EEFSEC: variants seen among roughly 807,000 people sequenced by gnomAD.
EEFSEC encodes the protein eukaryotic elongation factor, selenocysteine-tRNA specific.
EEFSEC carries 43 observed loss-of-function variants against 42.1 expected under a neutral mutation model. That is an observed-to-expected ratio of 1.02 (90% CI 0.80 to 1.32). EEFSEC has a LOEUF of 1.32. Among genes scored for constraint, EEFSEC ranks in the 40% most tolerant of loss-of-function variants. The pLI, the probability that EEFSEC is intolerant of heterozygous loss-of-function variation, is 0.00. For synonymous variants in EEFSEC, 354 were observed against 339.1 expected (o/e 1.04, Z -0.48); for missense variants, 745 against 803.6 (o/e 0.93, Z 0.88).
intron 4 of EEFSEC, among the ~76,000 whole-genome samples, chr3:128,323,118 G>C (rs1228038057): frequency 6.6e-6 from 1 of 152,192 alleles, no homozygotes; most frequent in Non-Finnish European, 1.5e-5. Flanking sequence ...CAGCTTTTGG[G>C]AAGAGCTGTC....
At chr3:128,421,987 A>T in the EEFSEC span, among the ~76,000 whole-genome samples, 1 of 152,134 alleles carries the variant, frequency 6.6e-6, no homozygotes, top group South Asian at 2.1e-4. Flanking sequence ...TCTCTCATAC[A>T]GGTGGTTTGT....
chr3:128,336,845 AC>A (rs1372042861), intron 4 of EEFSEC: 1 of 152,178 alleles, frequency 6.6e-6, no homozygotes, highest in Non-Finnish European at 1.5e-5. Context: ...AAGACAGCAG[AC>A]TTTATAGAAC....
chr3:128,250,748 A>C (rs1281748748), intron 2 of EEFSEC, among the ~76,000 whole-genome samples: 1 of 152,116 alleles, frequency 6.6e-6, no homozygotes, highest in African/African-American at 2.4e-5. Context: ...TGAATTTGAG[A>C]ATCTGCTTTT....
At chr3:128,367,947 A>G in intron 6 of EEFSEC, 2 of 713,616 alleles carry the variant, frequency 2.8e-6, no homozygotes, top group Non-Finnish European at 3.4e-6. Context: ...TCCTCCCACC[A>G]CCCACTGGGA....
Position 128,340,124 on chromosome 3 carries a change from G to C in EEFSEC, c.787-1109G>C, listed in dbSNP as rs1374442504. ...ACCCTTGCTGTAGCCCTCCTGCCTC[G>C]GTGTATTCCCAGACTCACCAAGCTA... On this transcript the variant is annotated intron_variant, in intron 4 of 6. Transcript: ENST00000254730. Among the ~76,000 whole-genome samples, 5 of 151,960 alleles carry C rather than the reference G, an allele frequency of 3.3e-5. No individual in the cohort carries two copies. The East Asian group carries it at 7.7e-4, about 23-fold the overall frequency.
intron 1 of EEFSEC, among the ~76,000 whole-genome samples, chr3:128,173,109 C>T (rs895723290): frequency 6.6e-5 from 10 of 152,300 alleles, no homozygotes; most frequent in South Asian, 4.1e-4. Context: ...TTTGCTTCCC[C>T]GTGAAGCTCC....
At chr3:128,313,806 T>C (rs139281370) in intron 4 of EEFSEC, among the ~76,000 whole-genome samples, 32 of 152,322 alleles carry the variant, frequency 2.1e-4, no homozygotes, top group Non-Finnish European at 4.0e-4. Context: ...TGGCAGATGG[T>C]TAAAAAGGCA....
At chr3:128,211,886 G>A (rs1424291952) in intron 1 of EEFSEC, among the ~76,000 whole-genome samples, 2 of 89,374 alleles carry the variant, frequency 2.2e-5, no homozygotes, top group Admixed American at 1.9e-4. Flanking sequence ...TTGAGACAGA[G>A]TCTTGCTGTG....
downstream of EEFSEC, among the ~76,000 whole-genome samples, chr3:128,411,984 C>T (rs2068177253): frequency 6.6e-6 from 1 of 152,168 alleles, no homozygotes; most frequent in East Asian, 1.9e-4. Context: ...GCATGTGCTC[C>T]GTGTGTGTTT....
At chr3:128,206,386 C>T (rs567519899) in intron 1 of EEFSEC, among the ~76,000 whole-genome samples, 46 of 152,280 alleles carry the variant, frequency 3.0e-4, no homozygotes, top group East Asian at 1.2e-3. Context: ...TTATCAGGCG[C>T]GTTTTGAACT....
At chr3:128,368,010 G>T (rs1238521352) in intron 6 of EEFSEC, among the ~76,000 whole-genome samples, 1 of 152,232 alleles carries the variant, frequency 6.6e-6, no homozygotes, top group Non-Finnish European at 1.5e-5. Flanking sequence ...GATGCCCTTG[G>T]GCTGGGCCAG....
At chr3:128,197,462 A>G (rs1005240899) in intron 1 of EEFSEC, among the ~76,000 whole-genome samples, 6 of 152,236 alleles carry the variant, frequency 3.9e-5, no homozygotes, top group African/African-American at 1.4e-4. Flanking sequence ...TAGTAGAGAC[A>G]GGGTTTCACC....
the EEFSEC span, among the ~76,000 whole-genome samples, chr3:128,425,121 C>A: frequency 0.073 from 11,105 of 152,264 alleles, 763 homozygotes; most frequent in East Asian, 0.37. Flanking sequence ...AGTTGTGTAA[C>A]CCCTACCTGA....
At chr3:128,158,107 A>G (rs904140255) in intron 1 of EEFSEC, among the ~76,000 whole-genome samples, 1 of 152,248 alleles carries the variant, frequency 6.6e-6, no homozygotes, top group African/African-American at 2.4e-5. Flanking sequence ...AAGTCACTGC[A>G]GATGTGGTAG....
chr3:128,390,182 C>T (rs2067891243), intron 6 of EEFSEC, among the ~76,000 whole-genome samples: 1 of 152,242 alleles, frequency 6.6e-6, no homozygotes, highest in African/African-American at 2.4e-5. Flanking sequence ...TGTGACAACT[C>T]AAAGTCATGA....
At chr3:128,350,405 G>A (rs1175372674) in intron 5 of EEFSEC, among the ~76,000 whole-genome samples, 1 of 152,200 alleles carries the variant, frequency 6.6e-6, no homozygotes, top group Non-Finnish European at 1.5e-5. Flanking sequence ...TGTTCTGCTG[G>A]CCCTCGCTCC....
chr3:128,324,835 G>C (rs968252811), intron 4 of EEFSEC, among the ~76,000 whole-genome samples: 11 of 152,268 alleles, frequency 7.2e-5, no homozygotes, highest in Middle Eastern at 3.4e-3. Flanking sequence ...AATACTAAAG[G>C]CTAAACTTGG....
Position 128,170,851 on chromosome 3 carries a change from C to T in EEFSEC, c.316+17028C>T, listed in dbSNP as rs371601244. Among the ~76,000 whole-genome samples, 29 of 152,268 alleles carry T rather than the reference C, an allele frequency of 1.9e-4. No individual in the cohort carries two copies. In the East Asian group the frequency reaches 4.6e-3, roughly 24 times the overall value. ...TATGGCAACCAATAAAGTTTCTTTT[C>T]GAGGAATGAATATTTTCTAGGAAAG... On this transcript the variant is annotated intron_variant, in intron 1 of 6. Coordinates refer to ENST00000254730, the MANE Select transcript of EEFSEC (RefSeq NM_021937.5).
At chr3:128,171,299 A>G (rs774468323) in intron 1 of EEFSEC, among the ~76,000 whole-genome samples, 5 of 152,154 alleles carry the variant, frequency 3.3e-5, no homozygotes, top group Non-Finnish European at 5.9e-5. Flanking sequence ...GCTGCTTGCT[A>G]TCTTTTTTCC....
Sources: allele counts gnomAD v4.1 joint callset (sites outside exome capture counted in the v4.1 genomes callset), GRCh38; gene constraint gnomAD v4.1.1; transcripts MANE v1.5; gene names NCBI Gene and HGNC (gene_info 2026-07-23, HGNC 2026-07-21).